The following COL5A2 variants were observed in gnomAD, a reference collection of about 807,000 sequenced individuals.
COL5A2 encodes collagen type V alpha 2 chain.
Under a neutral mutation model 208.2 loss-of-function variants are expected in COL5A2, and 23 were observed. The ratio of observed to expected loss-of-function variants is 0.11; its 90% CI spans 0.08 to 0.16. The LOEUF (loss-of-function observed/expected upper bound fraction) is 0.16. Among genes scored for constraint, COL5A2 ranks in the 10% least tolerant of loss-of-function variants. The pLI is 1.00. For missense variants in COL5A2, 1,590 were observed against 1,956.4 expected (o/e 0.81, Z 3.53); for synonymous variants, 625 against 628.5 (o/e 0.99, Z 0.08).
At chr2:189,121,679 G>A (rs1295600352) in intron 1 of COL5A2, among the ~76,000 whole-genome samples, 1 of 137,518 alleles carries the variant, frequency 7.3e-6, no homozygotes, top group Non-Finnish European at 1.5e-5. Flanking sequence ...AGAGCTTGCA[G>A]TGAGCCGAAA....
the COL5A2 span, among the ~76,000 whole-genome samples, chr2:189,256,078 A>G: frequency 6.6e-6 from 1 of 152,194 alleles, no homozygotes; most frequent in Non-Finnish European, 1.5e-5. Flanking sequence ...CGTGCCTGTT[A>G]TATTCCAGGC....
the COL5A2 span, among the ~76,000 whole-genome samples, chr2:189,272,053 A>C: frequency 3.3e-5 from 5 of 152,212 alleles, no homozygotes; most frequent in African/African-American, 1.2e-4. Context: ...ACGCTTTTAC[A>C]CTGTTGGTGG....
In COL5A2 at chr2:189,063,174, T is replaced by C; in HGVS notation, c.1867A>G (p.Ser623Gly). 1 of 1,614,066 alleles carries C rather than the reference T, an allele frequency of 6.2e-7. No homozygotes were observed. Residue 623 changes from serine to glycine, a missense_variant and splice_region_variant, in exon 27 of 54, where the codon AGT becomes GGT. Coordinates refer to ENST00000374866, the MANE Select transcript of COL5A2 (RefSeq NM_000393.5). ...SMGLPGPKGS[S>G]GDPGKPGEAG... ...AACATATTATACACTGTACTCACAC[T>C]GCTACCTTTGGGGCCTGGAAGGCCC...
chr2:189,075,711 T>C (rs1456622328), intron 16 of COL5A2, among the ~76,000 whole-genome samples: 1 of 152,196 alleles, frequency 6.6e-6, no homozygotes, highest in Non-Finnish European at 1.5e-5. Flanking sequence ...TAATGTATCA[T>C]CTTCTAACAT....
chr2:189,355,679 C>T, the COL5A2 span, among the ~76,000 whole-genome samples: 3 of 152,116 alleles, frequency 2.0e-5, no homozygotes, highest in Non-Finnish European at 2.9e-5. Context: ...ATGTCTTGCA[C>T]ATGAGATGGG....
intron 6 of COL5A2, among the ~76,000 whole-genome samples, chr2:189,096,579 A>G (rs1053000957): frequency 2.7e-5 from 4 of 148,154 alleles, no homozygotes; most frequent in African/African-American, 1.0e-4. Context: ...CCGAGATCAC[A>G]CCACTGCACT....
chr2:189,081,031 A>G lies in COL5A2; in HGVS notation c.865T>C (p.Phe289Leu). ...GFAGSPGARG[F>L]PGAPGLPGLK... The stretch of plus-strand genomic sequence containing the variant: ...CCTGGAAGACCAGGAGCCCCAGGAA[A>G]TCCACGAGCTCCCTGGGAGGAAAAC... The change falls in exon 13 of 54, where the codon TTT becomes CTT. Residue 289 changes from phenylalanine to leucine, a missense_variant. Coordinates refer to ENST00000374866, the MANE Select transcript of COL5A2 (RefSeq NM_000393.5). The G allele has an allele frequency of 6.2e-7, 1 of 1,613,450 alleles. No homozygotes were observed. Among genetic ancestry groups the G allele is most frequent in the African/African-American group, 1.3e-5 (1 of 75,018 alleles).
At chr2:189,089,549 G>T (rs528880301) in intron 7 of COL5A2, among the ~76,000 whole-genome samples, 1 of 152,110 alleles carries the variant, frequency 6.6e-6, no homozygotes, top group Admixed American at 6.5e-5. Flanking sequence ...CCTTGTTAAG[G>T]TCTCAATCTA....
chr2:189,156,163 G>T (rs1688243131), intron 1 of COL5A2, among the ~76,000 whole-genome samples: 1 of 151,988 alleles, frequency 6.6e-6, no homozygotes, highest in African/African-American at 2.4e-5. Context: ...TCCACATAAG[G>T]TAATATATTC....
At chr2:189,329,349 A>G in the COL5A2 span, among the ~76,000 whole-genome samples, 1 of 152,198 alleles carries the variant, frequency 6.6e-6, no homozygotes, top group Non-Finnish European at 1.5e-5. Context: ...GATATATTGG[A>G]CAAAGGGCAC....
At chr2:189,191,152 C>CAAAA (rs1553526750) in intron 1 of COL5A2, among the ~76,000 whole-genome samples, 3 of 21,056 alleles carry the variant, frequency 1.4e-4, no homozygotes, top group East Asian at 1.8e-3. Flanking sequence ...AAAAAAAAAA[C>CAAAA]AAAAAACAAA....
At chr2:189,333,367 A>C in the COL5A2 span, among the ~76,000 whole-genome samples, 3 of 152,312 alleles carry the variant, frequency 2.0e-5, no homozygotes, top group East Asian at 5.8e-4. Context: ...ATAACAGATG[A>C]AAGAGGGACA....
chr2:189,405,483 G>A, the COL5A2 span, among the ~76,000 whole-genome samples: 13 of 152,014 alleles, frequency 8.6e-5, no homozygotes, highest in African/African-American at 2.4e-4. Context: ...TGCTCACCTC[G>A]CCTCACAAAA....
chr2:189,206,595 C>A (rs188741127), intron 1 of COL5A2, among the ~76,000 whole-genome samples: 1 of 152,126 alleles, frequency 6.6e-6, no homozygotes, highest in Admixed American at 6.6e-5. Flanking sequence ...GGACTAGGGC[C>A]AAGTCTGAAT....
At chr2:189,301,388 C>G in the COL5A2 span, among the ~76,000 whole-genome samples, 17 of 152,186 alleles carry the variant, frequency 1.1e-4, no homozygotes, top group Non-Finnish European at 1.9e-4. Context: ...TCTGCTAAAT[C>G]AGAATCATTA....
chr2:189,402,179 T>C, the COL5A2 span, among the ~76,000 whole-genome samples: 1 of 152,144 alleles, frequency 6.6e-6, no homozygotes, highest in African/African-American at 2.4e-5. Context: ...AGGTTTCTTA[T>C]AAGGTTTTTA....
the COL5A2 span, among the ~76,000 whole-genome samples, chr2:189,307,981 C>G: frequency 6.6e-6 from 1 of 152,068 alleles, no homozygotes; most frequent in African/African-American, 2.4e-5. Context: ...TTTTACTTTA[C>G]TTTCTTAATA....
intron 6 of COL5A2, among the ~76,000 whole-genome samples, chr2:189,096,441 G>A (rs1023057662): frequency 6.6e-6 from 1 of 151,872 alleles, no homozygotes; most frequent in African/African-American, 2.4e-5. Context: ...CTAACACGGT[G>A]AAAACTCGTC....
chr2:189,351,836 C>A, the COL5A2 span, among the ~76,000 whole-genome samples: 85,961 of 151,894 alleles, frequency 0.57, 26,177 homozygotes, highest in East Asian at 0.71. Flanking sequence ...ACTTTAAGTT[C>A]TGGAGTTACA....
Sources: allele counts gnomAD v4.1 joint callset (sites outside exome capture counted in the v4.1 genomes callset), GRCh38; gene constraint gnomAD v4.1.1; transcripts MANE v1.5; gene names NCBI Gene and HGNC (gene_info 2026-07-23, HGNC 2026-07-21).